ATAD2B: variants seen among roughly 807,000 people sequenced by gnomAD.
ATAD2B encodes ATPase family AAA domain containing 2B.
A neutral mutation model predicts 167.6 loss-of-function variants in ATAD2B; 40 were observed. The ratio of observed to expected loss-of-function variants is 0.24; its 90% CI spans 0.19 to 0.31. The LOEUF (loss-of-function observed/expected upper bound fraction) is 0.31, where lower values mean the gene tolerates loss of function less well. Ranked by LOEUF, ATAD2B falls within the 10% of genes least tolerant of loss-of-function variation. ATAD2B has a pLI of 1.00. For synonymous variants in ATAD2B, 579 were observed against 596.5 expected, an observed-to-expected ratio of 0.97 and a Z score of 0.43; for missense variants, 1,242 against 1,757.2, an observed-to-expected ratio of 0.71 and a Z score of 5.24.
At chr2:23,775,242 G>T (rs1388269347) in intron 22 of ATAD2B, among the ~76,000 whole-genome samples, 25 of 142,180 alleles carry the variant, frequency 1.8e-4, no homozygotes, top group Non-Finnish European at 3.3e-4. Context: ...TTGAGACGTT[G>T]TCTTGCTCTG....
the ATAD2B span, chr2:23,703,231 C>T: frequency 6.6e-7 from 1 of 1,517,488 alleles, no homozygotes; most frequent in Admixed American, 2.2e-5. Flanking sequence ...CCCCTCTGCC[C>T]AAGGCAGTAC....
chr2:23,702,568 C>A, the ATAD2B span, among the ~76,000 whole-genome samples: 3 of 152,160 alleles, frequency 2.0e-5, no homozygotes, highest in African/African-American at 2.4e-5. Context: ...GCTTCCCATC[C>A]ACCTAGCTAG....
intron 1 of ATAD2B, among the ~76,000 whole-genome samples, chr2:23,920,046 G>A (rs530620149): frequency 2.0e-4 from 30 of 152,042 alleles, no homozygotes; most frequent in African/African-American, 7.2e-4. Flanking sequence ...GGCTACTCAG[G>A]AGGCTGAGGC....
intron 22 of ATAD2B, among the ~76,000 whole-genome samples, chr2:23,780,761 G>A (rs187748234): frequency 2.9e-3 from 445 of 152,182 alleles, no homozygotes; most frequent in African/African-American, 0.01. Flanking sequence ...TTAGCTGGGC[G>A]TAGTGGCACG....
rs1336509038 is a variant in ATAD2B, at chr2:23,843,401, T to A, written c.1569-9323A>T. On this transcript the variant is annotated intron_variant, in intron 13 of 27. Coordinates refer to ENST00000238789, the MANE Select transcript of ATAD2B (RefSeq NM_017552.4). ...CAGAGGCATGTCATGGCTAAACTGTTGAAAGTAAAAGATACAGAGCAAGAT... is the reference window on the plus strand; with the variant it reads ...CAGAGGCATGTCATGGCTAAACTGTAGAAAGTAAAAGATACAGAGCAAGAT... 2.6e-5 allele frequency among the ~76,000 whole-genome samples: 4 copies of A among 152,274 alleles called. No individual in the cohort carries two copies. In the East Asian group the frequency reaches 7.7e-4, roughly 29 times the overall value.
downstream of ATAD2B, among the ~76,000 whole-genome samples, chr2:23,747,816 T>C (rs759994763): frequency 1.2e-4 from 19 of 152,058 alleles, no homozygotes; most frequent in Non-Finnish European, 2.4e-4. Context: ...CTAGATAACT[T>C]TGTAGGTGTC....
intron 22 of ATAD2B, among the ~76,000 whole-genome samples, chr2:23,770,445 T>C (rs370883801): frequency 5.3e-5 from 8 of 152,366 alleles, no homozygotes; most frequent in African/African-American, 1.2e-4. Flanking sequence ...ATTATTTAAA[T>C]TGGGTTATTA....
chr2:23,833,001 T>C (rs1689306851), intron 14 of ATAD2B, among the ~76,000 whole-genome samples: 1 of 152,224 alleles, frequency 6.6e-6, no homozygotes, highest in South Asian at 2.1e-4. Flanking sequence ...AAAATAATGC[T>C]GTATATGCTA....
chr2:23,801,383 A>G (rs1460050317), intron 18 of ATAD2B, among the ~76,000 whole-genome samples: 6 of 152,162 alleles, frequency 3.9e-5, no homozygotes. Context: ...GCCTAGTTTC[A>G]ATGAAGCGGC....
At chr2:23,690,696 C>T in the ATAD2B span, 3 of 152,256 alleles carry the variant, frequency 2.0e-5, no homozygotes, top group Non-Finnish European at 4.4e-5. Flanking sequence ...GGACTCCTAA[C>T]GCGGCAGGTG....
intron 7 of ATAD2B, among the ~76,000 whole-genome samples, chr2:23,877,120 C>A (rs187655135): frequency 1.8e-4 from 26 of 147,388 alleles, no homozygotes; most frequent in African/African-American, 6.2e-4. Context: ...ATTCAAAGAA[C>A]AATCCATTAA....
intron 13 of ATAD2B, chr2:23,856,024 T>C (rs1458400792): frequency 6.6e-6 from 1 of 151,868 alleles, no homozygotes; most frequent in African/African-American, 2.4e-5. Context: ...CAGTCTCTAC[T>C]AAAAATACAA....
chr2:23,880,655 G>A lies in ATAD2B; in HGVS notation c.885C>T (p.Tyr295=), dbSNP rs566236064. Residue 295 remains tyrosine, a synonymous_variant, in exon 7 of 28, where the codon TAC becomes TAT. Coordinates refer to ENST00000238789, the MANE Select transcript of ATAD2B (RefSeq NM_017552.4). The stretch of plus-strand genomic sequence containing the variant: ...GTTGCCTACCTATTGGAGGTGCTTG[G>A]TATCGATCCACTGTTTTTCTCTGTC... The part of the protein sequence containing the change: ...NLRQRKTVDR[Y]QAPPIVPAHQ... 13 of 1,601,320 alleles carry A rather than the reference G, an allele frequency of 8.1e-6. No individual in the cohort carries two copies. The African/African-American group carries it at 1.5e-4, about 18-fold the overall frequency.
intron 22 of ATAD2B, among the ~76,000 whole-genome samples, chr2:23,765,980 G>A (rs1478292451): frequency 6.6e-6 from 1 of 152,054 alleles, no homozygotes; most frequent in Admixed American, 6.6e-5. Context: ...CAAATGCCCA[G>A]CCCCAGAGTT....
At chr2:23,800,669 A>C (rs1428474694) in intron 18 of ATAD2B, among the ~76,000 whole-genome samples, 1 of 152,186 alleles carries the variant, frequency 6.6e-6, no homozygotes, top group Non-Finnish European at 1.5e-5. Flanking sequence ...TAAAAAATTT[A>C]GAAATTTGTC....
At chr2:23,808,131 T>TATAATTATTATATAC (rs1684916824) in intron 18 of ATAD2B, among the ~76,000 whole-genome samples, 2 of 116,142 alleles carry the variant, frequency 1.7e-5, no homozygotes, top group African/African-American at 7.0e-5. Flanking sequence ...TTATTATATA[T>TATAATTATTATATAC]AAGTGATTAC....
chr2:23,760,887 C>A (rs1676654310), intron 24 of ATAD2B, among the ~76,000 whole-genome samples: 1 of 151,928 alleles, frequency 6.6e-6, no homozygotes, highest in Non-Finnish European at 1.5e-5. Flanking sequence ...AGGAAAGCAA[C>A]TACGCCTTAG....
chr2:23,694,162 G>A, the ATAD2B span, among the ~76,000 whole-genome samples: 6 of 152,314 alleles, frequency 3.9e-5, no homozygotes, highest in African/African-American at 1.4e-4. Context: ...GTGGCCTTCT[G>A]GGCCTCTCCA....
chr2:23,808,006 TTA>T (rs1266315309), intron 18 of ATAD2B, among the ~76,000 whole-genome samples: 2 of 117,010 alleles, frequency 1.7e-5, no homozygotes, highest in South Asian at 2.5e-4. Context: ...GCACAGTAAT[TTA>T]TATATATTAT....
Sources: gnomAD v4.1 joint callset for allele counts (sites outside exome capture counted in the v4.1 genomes callset) on GRCh38, gnomAD v4.1.1 for gene constraint, MANE v1.5 for transcripts, NCBI Gene and HGNC (gene_info 2026-07-23, HGNC 2026-07-21) for gene names.